Variants in NRXN3 observed in about 807,000 individuals in gnomAD.
NRXN3 encodes the protein neurexin 3.
A neutral mutation model predicts 137.6 loss-of-function variants in NRXN3; 32 were observed. The ratio of observed to expected loss-of-function variants is 0.23; its 90% confidence interval spans 0.18 to 0.31. NRXN3 has a LOEUF of 0.31. Ranked by LOEUF, NRXN3 falls within the 10% of genes least tolerant of loss-of-function variation. The pLI, the probability that NRXN3 is intolerant of heterozygous loss-of-function variation, is 1.00. For synonymous variants in NRXN3, 798 were observed against 784.5 expected (o/e 1.02, Z -0.29); for missense variants, 1,574 against 2,062.5 (o/e 0.76, Z 4.59).
intron 10 of NRXN3, among the ~76,000 whole-genome samples, chr14:78,865,234 T>G (rs575606947): frequency 6.6e-6 from 1 of 152,328 alleles, no homozygotes; most frequent in African/African-American, 2.4e-5. Context: ...TGATTACAAT[T>G]GATCTATTGG....
chr14:78,431,082 A>G (rs972168037), intron 4 of NRXN3, among the ~76,000 whole-genome samples: 1 of 152,140 alleles, frequency 6.6e-6, no homozygotes, highest in East Asian at 1.9e-4. Context: ...GGTGAGTGAA[A>G]TCCACCTTAA....
At chr14:78,578,165 C>G (rs2096955964) in intron 4 of NRXN3, among the ~76,000 whole-genome samples, 1 of 152,044 alleles carries the variant, frequency 6.6e-6, no homozygotes, top group Non-Finnish European at 1.5e-5. Flanking sequence ...CATTAAGGCT[C>G]CCAAGTGGAT....
chr14:78,624,778 A>T (rs2097439071), intron 4 of NRXN3, among the ~76,000 whole-genome samples: 1 of 151,950 alleles, frequency 6.6e-6, no homozygotes, highest in African/African-American at 2.4e-5. Flanking sequence ...ACCCAGTCCC[A>T]CGTCTACTGA....
At chr14:79,491,824 A>G (rs1367841405) in intron 16 of NRXN3, among the ~76,000 whole-genome samples, 3 of 152,346 alleles carry the variant, frequency 2.0e-5, no homozygotes, top group Admixed American at 6.5e-5. Flanking sequence ...GTTACAGTAT[A>G]TATAAACATT....
chr14:79,048,408 C>T (rs895486175), intron 15 of NRXN3, among the ~76,000 whole-genome samples: 1 of 152,066 alleles, frequency 6.6e-6, no homozygotes, highest in Non-Finnish European at 1.5e-5. Context: ...AAGTTTGGCT[C>T]CAGACCCCAT....
chr14:79,517,099 C>T (rs963854680), intron 16 of NRXN3, among the ~76,000 whole-genome samples: 1 of 96,918 alleles, frequency 1.0e-5, no homozygotes, highest in East Asian at 2.3e-4. Flanking sequence ...ACAGCCCCCC[C>T]CCCCTCAACG....
intron 19 of NRXN3, among the ~76,000 whole-genome samples, chr14:79,737,097 C>G (rs867685053): frequency 1.2e-4 from 19 of 152,206 alleles, no homozygotes; most frequent in African/African-American, 4.6e-4. Flanking sequence ...TTTACACTTG[C>G]ATATATTATT....
chr14:79,378,304 A>G (rs900015970), intron 15 of NRXN3, among the ~76,000 whole-genome samples: 1 of 152,096 alleles, frequency 6.6e-6, no homozygotes, highest in Non-Finnish European at 1.5e-5. Context: ...TCACATTCAC[A>G]CTGAAGTTGG....
At position 78,248,320 on chromosome 14, in the gene NRXN3, C is replaced by T. The variant is rs570301234; in HGVS notation, c.709+4518C>T. The stretch of plus-strand genomic sequence containing the variant: ...GCCCCCCGCCCCCCCCCCCCCCACC[C>T]GCCACCTCCTGTTGTCTGAAGCTCA... On this transcript the variant is annotated intron_variant, in intron 2 of 20. Coordinates refer to ENST00000335750, the MANE Select transcript of NRXN3 (RefSeq NM_001330195.2). Among the ~76,000 whole-genome samples the T allele has an allele frequency of 2.2e-3, 269 of 120,614 alleles. 4 individuals are homozygous for T. The highest frequency in any genetic ancestry group is 3.6e-3 in the Non-Finnish European group (193 of 53,040). 79.1% of individuals were successfully genotyped at this position (120,614 alleles called of 152,430 possible).
chr14:79,196,582 C>T (rs568214662), intron 15 of NRXN3, among the ~76,000 whole-genome samples: 1 of 152,104 alleles, frequency 6.6e-6, no homozygotes, highest in African/African-American at 2.4e-5. Context: ...GGGACACATT[C>T]GAACCATACC....
intron 1 of NRXN3, among the ~76,000 whole-genome samples, chr14:78,239,372 G>A (rs2066776291): frequency 6.6e-6 from 1 of 152,186 alleles, no homozygotes; most frequent in Non-Finnish European, 1.5e-5. Context: ...AGTAGTGCCT[G>A]GAATGAATTG....
At chr14:79,464,003 A>G (rs540906045) in intron 15 of NRXN3, among the ~76,000 whole-genome samples, 1 of 152,328 alleles carries the variant, frequency 6.6e-6, no homozygotes, top group South Asian at 2.1e-4. Flanking sequence ...TAGGCATTTT[A>G]TATTAAAATT....
intron 16 of NRXN3, among the ~76,000 whole-genome samples, chr14:79,602,601 A>G (rs532750446): frequency 4.4e-4 from 67 of 152,332 alleles, no homozygotes; most frequent in Non-Finnish European, 7.9e-4. Flanking sequence ...TCACCTGTCT[A>G]CAGTTTCAGT....
chr14:78,521,652 A>G (rs964840277), intron 4 of NRXN3, among the ~76,000 whole-genome samples: 1 of 152,298 alleles, frequency 6.6e-6, no homozygotes, highest in Non-Finnish European at 1.5e-5. Flanking sequence ...TCTAGGGGAG[A>G]TGAATGATAT....
At chr14:79,392,563 G>C (rs116587041) in intron 15 of NRXN3, among the ~76,000 whole-genome samples, 1 of 152,028 alleles carries the variant, frequency 6.6e-6, no homozygotes, top group African/African-American at 2.4e-5. Flanking sequence ...TTGAAGAATC[G>C]CCACACTGCC....
At chr14:79,088,169 T>G (rs1273212404) in intron 15 of NRXN3, among the ~76,000 whole-genome samples, 1 of 150,092 alleles carries the variant, frequency 6.7e-6, no homozygotes, top group Admixed American at 6.6e-5. Flanking sequence ...TGTTGCAATG[T>G]TTCAGATAAA....
At chr14:79,692,549 T>C (rs1315558580) in intron 18 of NRXN3, among the ~76,000 whole-genome samples, 1 of 152,088 alleles carries the variant, frequency 6.6e-6, no homozygotes, top group African/African-American at 2.4e-5. Flanking sequence ...ATTATGGCAA[T>C]TTAACCACTG....
intron 15 of NRXN3, among the ~76,000 whole-genome samples, chr14:79,078,895 A>G (rs1452482484): frequency 6.6e-6 from 1 of 152,132 alleles, no homozygotes; most frequent in African/African-American, 2.4e-5. Flanking sequence ...CAGCCCTAAC[A>G]TGCTATTAGC....
At chr14:78,543,827 G>A (rs893887746) in intron 4 of NRXN3, among the ~76,000 whole-genome samples, 2 of 152,110 alleles carry the variant, frequency 1.3e-5, no homozygotes, top group Admixed American at 6.5e-5. Context: ...AGTGCAGGTA[G>A]CCTCTTCAGG....
Sources: gnomAD v4.1 joint callset for allele counts (sites outside exome capture counted in the v4.1 genomes callset) on GRCh38, gnomAD v4.1.1 for gene constraint, MANE v1.5 for transcripts, NCBI Gene and HGNC (gene_info 2026-07-23, HGNC 2026-07-21) for gene names.